Variants in SMARCA2 observed in about 807,000 individuals in gnomAD.
SMARCA2 encodes SWI/SNF related BAF chromatin remodeling complex subunit ATPase 2.
In SMARCA2, 61 loss-of-function variants were observed where a neutral mutation model predicts 199.8. The ratio of observed to expected loss-of-function variants is 0.31; its 90% confidence interval spans 0.25 to 0.38. The LOEUF (loss-of-function observed/expected upper bound fraction) is 0.38, where lower values mean the gene tolerates loss of function less well. Ranked by LOEUF, SMARCA2 falls within the 10% of genes least tolerant of loss-of-function variation. The probability of loss-of-function intolerance (pLI) is 1.00; values close to 1 mark genes in which losing one functional copy is unlikely to be tolerated. For missense variants in SMARCA2, 1,344 were observed against 2,012.2 expected, an observed-to-expected ratio of 0.67 and a Z score of 6.35; for synonymous variants, 935 against 732.0, an observed-to-expected ratio of 1.28 and a Z score of -4.48.
intron 33 of SMARCA2, chr9:2,192,485 G>A: frequency 3.4e-6 from 2 of 584,870 alleles, no homozygotes; most frequent in South Asian, 2.0e-5. Flanking sequence ...ATAGCTTAGA[G>A]GGTGGGCTTT....
intron 26 of SMARCA2, among the ~76,000 whole-genome samples, chr9:2,122,964 G>T (rs1417728271): frequency 6.6e-6 from 1 of 152,166 alleles, no homozygotes; most frequent in East Asian, 1.9e-4. Context: ...GAGAAGGTGG[G>T]GAAGTAGGCA....
At chr9:2,166,639 T>A (rs1194015857) in intron 28 of SMARCA2, among the ~76,000 whole-genome samples, 1 of 152,232 alleles carries the variant, frequency 6.6e-6, no homozygotes, top group Non-Finnish European at 1.5e-5. Context: ...TGTTTATGTA[T>A]CTAAGTTTTT....
intron 29 of SMARCA2, among the ~76,000 whole-genome samples, chr9:2,176,192 T>TTTTTGTTTTTTTTTTTTTTTG (rs1290043415): frequency 6.7e-6 from 1 of 150,306 alleles, no homozygotes; most frequent in African/African-American, 2.5e-5. Context: ...GTTTTTTTTT[T>TTTTTGTTTTTTTTTTTTTTTG]TTTTTTTTTT....
chr9:2,184,850 C>A (rs1827321257), intron 31 of SMARCA2, among the ~76,000 whole-genome samples: 1 of 122,542 alleles, frequency 8.2e-6, no homozygotes, highest in South Asian at 2.5e-4. Context: ...TGGTCCCATC[C>A]TCTCTCTCTC....
At chr9:2,155,514 C>A (rs192733393) in intron 27 of SMARCA2, among the ~76,000 whole-genome samples, 1 of 152,108 alleles carries the variant, frequency 6.6e-6, no homozygotes, top group Non-Finnish European at 1.5e-5. Context: ...AACTCCTGAC[C>A]TTGTGATCCA....
intron 30 of SMARCA2, 139 bp from the exon 31 acceptor site, chr9:2,182,002 G>C (rs1429498001): frequency 2.8e-6 from 2 of 713,536 alleles, no homozygotes; most frequent in Non-Finnish European, 5.0e-6. Flanking sequence ...GGCGCCCCCT[G>C]GGGTTATGCA....
intron 21 of SMARCA2, among the ~76,000 whole-genome samples, chr9:2,100,304 T>C (rs1266822770): frequency 6.6e-6 from 1 of 152,230 alleles, no homozygotes; most frequent in African/African-American, 2.4e-5. Context: ...AGTTATGTGA[T>C]TACGTTCTGT....
At chr9:2,097,113 G>A (rs868352652) in intron 20 of SMARCA2, 17 of 484,578 alleles carry the variant, frequency 3.5e-5, no homozygotes, top group Admixed American at 1.1e-4. Context: ...GGAGTCCTAC[G>A]GAATAGACAG....
intron 27 of SMARCA2, among the ~76,000 whole-genome samples, chr9:2,153,391 G>C (rs1312139379): frequency 6.6e-6 from 1 of 152,090 alleles, no homozygotes; most frequent in Non-Finnish European, 1.5e-5. Context: ...AAAATCGCCA[G>C]GCATGGTGGT....
chr9:2,041,379 C>T (rs1819596777), intron 4 of SMARCA2: 2 of 398,620 alleles, frequency 5.0e-6, no homozygotes, highest in Non-Finnish European at 8.8e-6. Context: ...GATTCAGTGT[C>T]TGGTGAGGGC....
Position 2,170,884 on chromosome 9 carries a change from C to T in SMARCA2, c.4253+412C>T, listed in dbSNP as rs3793514. 0.064 allele frequency among the ~76,000 whole-genome samples: 9,737 copies of T among 152,218 alleles called. 434 individuals are homozygous for T. The highest frequency in any genetic ancestry group is 0.18 in the East Asian group (956 of 5,168). On this transcript the variant is annotated intron_variant, in intron 29 of 33. Coordinates refer to ENST00000349721, the MANE Select transcript of SMARCA2 (RefSeq NM_003070.5). This position sits in a 1 kb window ranked among gnomAD's most constrained non-coding sequence, Gnocchi z 4.7. ...GAAGCACCTGTAGTGACTTGATCTC[C>T]TGCGAGACATGAAGAAGCGTGCATG... is the stretch of plus-strand genomic sequence containing the variant.
intron 9 of SMARCA2, among the ~76,000 whole-genome samples, chr9:2,064,362 G>C (rs1820734795): frequency 6.6e-6 from 1 of 152,192 alleles, no homozygotes. Context: ...TAGGAATGTT[G>C]TCTACCCCAT....
Position 2,081,858 on chromosome 9 carries a change from C to T in SMARCA2, c.2211C>T (p.Ser737=), listed in dbSNP as rs753721769. The T allele has an allele frequency of 8.1e-6, 13 of 1,613,892 alleles. No individual in the cohort carries two copies. The Admixed American group carries it at 1.8e-4, about 23-fold the overall frequency. The part of the protein sequence containing the change: ...YQLQGLEWMV[S]LYNNNLNGIL... ...TCCAGGGCCTGGAATGGATGGTTTC[C>T]CTGTATAATAACAACTTGAACGGAA... Residue 737 remains serine (S), a synonymous_variant, in exon 15 of 34, where the codon TCC becomes TCT. Transcript: ENST00000349721.
chr9:2,066,141 T>C (rs1200909991), intron 9 of SMARCA2, among the ~76,000 whole-genome samples: 1 of 152,234 alleles, frequency 6.6e-6, no homozygotes, highest in African/African-American at 2.4e-5. Context: ...ACAGAATGGA[T>C]ACTTCAGATA....
chr9:2,175,307 GC>G (rs377170967), intron 29 of SMARCA2, among the ~76,000 whole-genome samples: 64 of 130,986 alleles, frequency 4.9e-4, no homozygotes, highest in East Asian at 2.8e-3. Flanking sequence ...GCTTGTCCCC[GC>G]CCCCCCCCAA....
intron 6 of SMARCA2, among the ~76,000 whole-genome samples, chr9:2,055,394 C>T (rs1409770944): frequency 3.9e-5 from 6 of 152,272 alleles, no homozygotes; most frequent in African/African-American, 7.2e-5. Context: ...TTCACTTTGG[C>T]GAGTTTTGCC....
intron 5 of SMARCA2, among the ~76,000 whole-genome samples, chr9:2,048,522 A>G (rs1819980207): frequency 6.6e-6 from 1 of 152,208 alleles, no homozygotes; most frequent in Non-Finnish European, 1.5e-5. Flanking sequence ...ATGTTGGTAA[A>G]CAGTGTCTGG....
intron 28 of SMARCA2, among the ~76,000 whole-genome samples, chr9:2,162,248 TTAATTG>T (rs1825720000): frequency 6.6e-6 from 1 of 152,250 alleles, no homozygotes; most frequent in Non-Finnish European, 1.5e-5. Context: ...ATTATTTTTT[TTAATTG>T]AATTGTTAGA....
intron 27 of SMARCA2, among the ~76,000 whole-genome samples, chr9:2,155,430 G>C (rs749164862): frequency 2.7e-4 from 41 of 152,026 alleles, no homozygotes; most frequent in African/African-American, 8.2e-4. Context: ...CTACAGGCAC[G>C]TGCCACCACA....
Sources: allele counts gnomAD v4.1 joint callset (sites outside exome capture counted in the v4.1 genomes callset), GRCh38; gene constraint gnomAD v4.1.1; non-coding constraint Gnocchi (gnomAD v3.1); transcripts MANE v1.5; gene names NCBI Gene and HGNC (gene_info 2026-07-23, HGNC 2026-07-21).